The following MYLK3 variants were observed in gnomAD, a reference collection of about 807,000 sequenced individuals.
MYLK3 encodes myosin light chain kinase 3, also known as MLC kinase.
Under a neutral mutation model 76.3 loss-of-function variants are expected in MYLK3, and 55 were observed. The ratio of observed to expected loss-of-function variants is 0.72; its 90% CI spans 0.58 to 0.90. The LOEUF is 0.90. MYLK3 is among the 40% of genes least tolerant of loss of function. The probability of loss-of-function intolerance (pLI) is 0.00; values close to 1 mark genes in which losing one functional copy is unlikely to be tolerated. For synonymous variants in MYLK3, 416 were observed against 425.4 expected (o/e 0.98, Z 0.27); for missense variants, 973 against 1,053.6 (o/e 0.92, Z 1.06).
upstream of MYLK3, among the ~76,000 whole-genome samples, chr16:46,753,270 C>A (rs1047634960): frequency 4.6e-5 from 7 of 152,192 alleles, no homozygotes; most frequent in African/African-American, 1.7e-4. Flanking sequence ...TCCATCCCTC[C>A]TCCTGCCCCA....
At chr16:46,761,911 G>A (rs1349535772) in intron 1 of MYLK3, among the ~76,000 whole-genome samples, 5 of 142,746 alleles carry the variant, frequency 3.5e-5, no homozygotes, top group Admixed American at 7.0e-5. Flanking sequence ...CTGCTAGCAT[G>A]AAAAAAAAAA....
intron 4 of MYLK3, 127 bp downstream of exon 4, chr16:46,732,081 C>T (rs193141948): frequency 6.3e-6 from 5 of 799,952 alleles, no homozygotes; most frequent in African/African-American, 3.5e-5. Context: ...GAGATGTTCC[C>T]GACTCTTGGA....
intron 1 of MYLK3, among the ~76,000 whole-genome samples, chr16:46,741,531 A>G (rs1273247890): frequency 6.6e-6 from 1 of 152,228 alleles, no homozygotes; most frequent in African/African-American, 2.4e-5. Flanking sequence ...CCCTAAGATG[A>G]ATCCTGGCAC....
intron 7 of MYLK3, among the ~76,000 whole-genome samples, chr16:46,727,619 T>A (rs1403305504): frequency 6.6e-6 from 1 of 152,190 alleles, no homozygotes; most frequent in Non-Finnish European, 1.5e-5. Flanking sequence ...CTCCGTCTCC[T>A]GGGTTCAAGT....
chr16:46,736,102 G>A (rs1352496949), intron 3 of MYLK3, among the ~76,000 whole-genome samples: 1 of 152,108 alleles, frequency 6.6e-6, no homozygotes, highest in Non-Finnish European at 1.5e-5. Flanking sequence ...CAACCTCCTG[G>A]GCTCAAGTGA....
upstream of MYLK3, among the ~76,000 whole-genome samples, chr16:46,749,119 T>C (rs761117812): frequency 2.6e-5 from 4 of 152,244 alleles, no homozygotes; most frequent in Non-Finnish European, 4.4e-5. Flanking sequence ...TTTTGCCTTA[T>C]AAGCCCTTGG....
chr16:46,723,255 G>A (rs1966817114), intron 8 of MYLK3, among the ~76,000 whole-genome samples: 1 of 152,046 alleles, frequency 6.6e-6, no homozygotes, highest in Non-Finnish European at 1.5e-5. Context: ...TTTCATGTCT[G>A]ATTTCTTTCA....
chr16:46,712,834 T>A, intron 9 of MYLK3, 58 bp from the exon 10 acceptor site: 1 of 1,453,854 alleles, frequency 6.9e-7, no homozygotes, highest in Non-Finnish European at 9.1e-7. Context: ...GATGTGGTGC[T>A]GGGGCTCATT....
chr16:46,717,560 G>A (rs1393439111), intron 9 of MYLK3, among the ~76,000 whole-genome samples: 1 of 151,700 alleles, frequency 6.6e-6, no homozygotes, highest in East Asian at 1.9e-4. Flanking sequence ...TACACGGCAT[G>A]CACCCTGTTC....
chr16:46,749,609 C>T (rs900988046), upstream of MYLK3, among the ~76,000 whole-genome samples: 2 of 152,108 alleles, frequency 1.3e-5, no homozygotes, highest in Admixed American at 6.6e-5. Flanking sequence ...ATAAGCCAGG[C>T]GTGGTGGCAC....
chr16:46,722,829 C>G (rs1966812910), intron 8 of MYLK3, among the ~76,000 whole-genome samples: 1 of 152,182 alleles, frequency 6.6e-6, no homozygotes, highest in African/African-American at 2.4e-5. Context: ...CCTGCCTCAG[C>G]CTCCCGAGTA....
chr16:46,713,889 T>C (rs973879447), intron 9 of MYLK3, among the ~76,000 whole-genome samples: 4 of 152,244 alleles, frequency 2.6e-5, no homozygotes, highest in South Asian at 2.1e-4. Context: ...GTCATCCATG[T>C]TGCTGCAAAT....
intron 1 of MYLK3, among the ~76,000 whole-genome samples, chr16:46,743,017 A>T (rs149721111): frequency 9.4e-4 from 143 of 152,284 alleles, no homozygotes; most frequent in African/African-American, 3.3e-3. Flanking sequence ...TAGGGTAGGC[A>T]GGCGCATGCG....
Position 46,747,954 on chromosome 16 carries a change from C to T in MYLK3, c.240G>A (p.Gly80=), listed in dbSNP as rs913116677. The part of the protein sequence containing the change: ...SRAPGPGGAD[G]VPHIDTQAGW... ...CAGCCTGGGTGTCAATGTGGGGAAC[C>T]CCATCAGCCCCGCCCGGGCCCGGTG... is the stretch of plus-strand genomic sequence containing the variant. Residue 80 remains glycine (G), a synonymous_variant, in exon 1 of 13, where the codon GGG becomes GGA. Transcript: ENST00000394809. The T allele has an allele frequency of 1.9e-6, 3 of 1,613,118 alleles. No homozygotes were observed. Among genetic ancestry groups the T allele is most frequent in the African/African-American group, 2.7e-5 (2 of 74,936 alleles).
intron 8 of MYLK3, among the ~76,000 whole-genome samples, chr16:46,724,136 T>A (rs1227758551): frequency 6.6e-6 from 1 of 152,210 alleles, no homozygotes; most frequent in African/African-American, 2.4e-5. Flanking sequence ...CCTTTGACCA[T>A]TTTTAAATTG....
chr16:46,713,570 C>T (rs1166393269), intron 9 of MYLK3, among the ~76,000 whole-genome samples: 2 of 152,162 alleles, frequency 1.3e-5, no homozygotes, highest in Admixed American at 6.5e-5. Context: ...TAAGTATTAC[C>T]TCACATACTT....
chr16:46,748,156 C>G lies in MYLK3; in HGVS notation c.38G>C (p.Gly13Ala). ...GCAGGTCTTGCCCAACCCTGGCAGC[C>G]CCCCATGCCCCAGACTCTCCTTGGA... is the stretch of plus-strand genomic sequence containing the variant. ...GTSKESLGHG[G>A]LPGLGKTCLT... The change falls in exon 1 of 13, where the codon GGG (glycine) becomes GCG (alanine). Residue 13 changes from glycine (G) to alanine (A), a missense_variant. Physicochemically the swap from Gly to Ala is moderately conservative, Grantham distance 60. Transcript: ENST00000394809. This position sits in a 1 kb window ranked among gnomAD's most constrained non-coding sequence, Gnocchi z 4.3. The G allele has an allele frequency of 6.2e-7, 1 of 1,614,060 alleles. No homozygotes were observed. Among genetic ancestry groups the G allele is most frequent in the Non-Finnish European group, 8.5e-7 (1 of 1,179,954 alleles).
chr16:46,727,549 CAG>C (rs1966845152), intron 7 of MYLK3, among the ~76,000 whole-genome samples, 172 bp from the exon 8 acceptor site: 1 of 152,208 alleles, frequency 6.6e-6, no homozygotes, highest in South Asian at 2.1e-4. Flanking sequence ...TGTTTTTAGA[CAG>C]AGTCTCACCC....
chr16:46,754,323 A>C (rs943101066), intron 1 of MYLK3, among the ~76,000 whole-genome samples: 1 of 152,280 alleles, frequency 6.6e-6, no homozygotes. Flanking sequence ...GAAAAAAAAA[A>C]AACACATACT....
Sources: allele counts gnomAD v4.1 joint callset (sites outside exome capture counted in the v4.1 genomes callset), GRCh38; gene constraint gnomAD v4.1.1; non-coding constraint Gnocchi (gnomAD v3.1); transcripts MANE v1.5; gene names NCBI Gene and HGNC (gene_info 2026-07-23, HGNC 2026-07-21).